Variants in KIF21B observed in about 807,000 individuals in gnomAD.
KIF21B encodes the protein kinesin family member 21B.
A neutral mutation model predicts 192.9 loss-of-function variants in KIF21B; 85 were observed. The observed-to-expected ratio is 0.44, with a 90% confidence interval of 0.37 to 0.53. The LOEUF is 0.53. KIF21B is among the 20% of genes least tolerant of loss of function. The pLI is 0.00. For missense variants in KIF21B, 1,716 were observed against 2,194.8 expected, an observed-to-expected ratio of 0.78 and a Z score of 4.36; for synonymous variants, 832 against 884.6, an observed-to-expected ratio of 0.94 and a Z score of 1.05.
At chr1:200,974,580 G>A in intron 34 of KIF21B, 134 bp downstream of exon 34, 2 of 892,140 alleles carry the variant, frequency 2.2e-6, no homozygotes, top group East Asian at 2.6e-5. Context: ...GTATGCAAAG[G>A]AGGCCACCAT....
chr1:200,988,441 G>C, intron 23 of KIF21B, 52 bp downstream of exon 23: 1 of 1,610,054 alleles, frequency 6.2e-7, no homozygotes, highest in Non-Finnish European at 8.5e-7. Flanking sequence ...CCTCCCACCA[G>C]CCCCAGGTAC....
At chr1:200,983,669 C>T (rs992506700) in intron 27 of KIF21B, among the ~76,000 whole-genome samples, 2 of 152,192 alleles carry the variant, frequency 1.3e-5, no homozygotes, top group African/African-American at 4.8e-5. Context: ...AAGACCAAGG[C>T]CTCCAGAAGA....
In KIF21B at chr1:200,998,735, C is replaced by CG. The variant is rs1394923893; in HGVS notation, c.1886-161dup. 6.6e-6 allele frequency among the ~76,000 whole-genome samples: 1 copy of CG among 152,070 alleles called. No individual in the cohort carries two copies. The highest frequency in any genetic ancestry group is 2.4e-5 in the African/African-American group (1 of 41,384). On this transcript the variant is annotated intron_variant, in intron 13 of 34. Coordinates refer to ENST00000461742, the MANE Select transcript of KIF21B (RefSeq NM_001252102.2). The surrounding 1 kb of genome is among the most constrained non-coding windows in gnomAD (Gnocchi z 4.3). Reference sequence around the variant, plus strand: ...GATAAATCCTAATGCAGGTAGAATGCGGCCAGAAGGAGGAACACATTTAAA... The same window carrying CG: ...GATAAATCCTAATGCAGGTAGAATGCGGGCCAGAAGGAGGAACACATTTAAA...
At position 201,000,300 on chromosome 1, in the gene KIF21B, C is replaced by A. The variant is rs766160802; in HGVS notation, c.1685+90G>T. 3.3e-5 allele frequency: 43 copies of A among 1,303,122 alleles called. 1 individual carries two copies. The South Asian group carries it at 3.8e-4, about 12-fold the overall frequency. The allele number at this position is 1,303,122 out of a possible 1,614,324, so 80.7% of individuals were successfully genotyped here. A position where few individuals can be genotyped will look rare whatever the true frequency, so the allele number is the denominator to read the frequency against. ...GGGGGCGTGGAGGTTCCCTCCTAAA[C>A]ACTGGTGGGCAGCAGTCCTCCTTGG... On this transcript the variant is annotated intron_variant, in intron 11 of 34. Coordinates refer to ENST00000461742, the MANE Select transcript of KIF21B (RefSeq NM_001252102.2). The surrounding 1 kb of genome is among the most constrained non-coding windows in gnomAD (Gnocchi z 6.0).
chr1:201,021,771 T>C (rs1450819398), intron 1 of KIF21B, among the ~76,000 whole-genome samples: 3 of 152,046 alleles, frequency 2.0e-5, no homozygotes, highest in Non-Finnish European at 4.4e-5. Flanking sequence ...CCCAAGCCCC[T>C]TCCTTCCCAG....
chr1:200,982,822 C>A lies in KIF21B; in HGVS notation c.3842+234G>T, dbSNP rs774912954. On this transcript the variant is annotated intron_variant, in intron 28 of 34. Coordinates refer to ENST00000461742, the MANE Select transcript of KIF21B (RefSeq NM_001252102.2). The surrounding 1 kb of genome is among the most constrained non-coding windows in gnomAD (Gnocchi z 4.7). ...GGGCCTGCGACAAGCAACTGTGCACCCTCCCCAAGCCCCCAGCTCTAGCTG... is the reference window on the plus strand; with the variant it reads ...GGGCCTGCGACAAGCAACTGTGCACACTCCCCAAGCCCCCAGCTCTAGCTG... Among the ~76,000 whole-genome samples, 2 of 152,112 alleles carry A rather than the reference C, an allele frequency of 1.3e-5. No individual in the cohort carries two copies. The highest frequency in any genetic ancestry group is 2.9e-5 in the Non-Finnish European group (2 of 68,008).
At chr1:201,019,647 G>T (rs781752350) in intron 1 of KIF21B, among the ~76,000 whole-genome samples, 7 of 151,884 alleles carry the variant, frequency 4.6e-5, no homozygotes, top group Non-Finnish European at 1.0e-4. Flanking sequence ...GGGGCCTGTG[G>T]TTACTACACT....
In KIF21B at chr1:200,977,381, C is replaced by T; in HGVS notation, c.4161-5G>A. 1 of 1,613,064 alleles carries T rather than the reference C, an allele frequency of 6.2e-7. No homozygotes were observed. The highest frequency in any genetic ancestry group is 8.5e-7 in the Non-Finnish European group (1 of 1,179,136). ...GAGATCACCTGGCCCGAGGACCTGC[C>T]CATCGGAGAAAGGCAAGGCCAGAGG... is the stretch of plus-strand genomic sequence containing the variant. On this transcript the variant is annotated splice_polypyrimidine_tract_variant and splice_region_variant and intron_variant, in intron 30 of 34. Transcript: ENST00000461742.
In KIF21B at chr1:201,009,399, T is replaced by C. The variant is rs1293380136; in HGVS notation, c.131A>G (p.Lys44Arg). 5 of 1,614,248 alleles carry C rather than the reference T, an allele frequency of 3.1e-6. No individual in the cohort carries two copies. The highest frequency in any genetic ancestry group is 2.5e-6 in the Non-Finnish European group (3 of 1,180,036). ...TPGEPQVLLG[K>R]DKAFTYDFVF... is the part of the protein sequence containing the mutation. ...AAAGTCATAGGTGAAGGCCTTGTCC[T>C]TCCCCAGCAGGACCTGGGGCTCTCC... The change falls in exon 2 of 35, where the codon AAG becomes AGG. Residue 44 changes from lysine to arginine, a missense_variant. Physicochemically the swap from Lys to Arg is conservative, Grantham distance 26 (BLOSUM62 2). Coordinates refer to ENST00000461742, the MANE Select transcript of KIF21B (RefSeq NM_001252102.2).
At chr1:200,986,009 C>A (rs1294015227) in intron 26 of KIF21B, among the ~76,000 whole-genome samples, 1 of 151,292 alleles carries the variant, frequency 6.6e-6, no homozygotes, top group East Asian at 1.9e-4. Context: ...CCACGCCCAG[C>A]CAATTTTTTT....
At position 201,004,802 on chromosome 1, in the gene KIF21B, C is replaced by G. The variant is rs530526185; in HGVS notation, c.864G>C (p.Glu288Asp). 1.7e-5 allele frequency: 27 copies of G among 1,614,118 alleles called. No homozygotes were observed. The East Asian group carries it at 2.7e-4, about 16-fold the overall frequency. Residue 288 changes from glutamate (E) to aspartate (D), a missense_variant, in exon 6 of 35, where the codon GAG becomes GAC. Around this residue, in one of 3 missense-constraint regions of KIF21B, gnomAD observed 1,087 missense variants for 1,316.6 expected, o/e 0.83. Transcript: ENST00000461742. ...ERLKRTGATG[E>D]RAKEGISINC... ...TGATGGAGATGCCCTCCTTGGCCCG[C>G]TCGCCAGTAGCCCCTGTCCGCTTCA...
chr1:200,984,204 C>T (rs532391826), intron 27 of KIF21B, among the ~76,000 whole-genome samples: 5 of 152,300 alleles, frequency 3.3e-5, no homozygotes, highest in African/African-American at 9.6e-5. Flanking sequence ...TCTAGGTGAA[C>T]ATCCCTGGCT....
At position 201,005,589 on chromosome 1, in the gene KIF21B, A is replaced by T; in HGVS notation, c.553T>A (p.Tyr185Asn). 1 of 1,614,204 alleles carries T rather than the reference A, an allele frequency of 6.2e-7. No individual in the cohort carries two copies. The highest frequency in any genetic ancestry group is 1.3e-5 in the African/African-American group (1 of 75,068). Residue 185 changes from tyrosine to asparagine, a missense_variant, in exon 4 of 35, where the codon TAC (tyrosine) becomes AAC (asparagine). Tyr to Asn is a moderately radical substitution (Grantham distance 143). Around this residue, in one of 3 missense-constraint regions of KIF21B, gnomAD observed 1,087 missense variants for 1,316.6 expected, o/e 0.83. Coordinates refer to ENST00000461742, the MANE Select transcript of KIF21B (RefSeq NM_001252102.2). Reference protein sequence around the residue: ...KIHEDANGGIYTTGVTSRLIH... With the variant: ...KIHEDANGGINTTGVTSRLIH... Reference sequence around the variant, plus strand: ...AGGCGAGAAGTGACGCCAGTGGTGTAGATGCCACCGTTTGCGTCCTCGTGG... The same window carrying T: ...AGGCGAGAAGTGACGCCAGTGGTGTTGATGCCACCGTTTGCGTCCTCGTGG...
At position 200,990,373 on chromosome 1, in the gene KIF21B, G is replaced by T; in HGVS notation, c.2836-41C>A. 6.4e-7 allele frequency: 1 copy of T among 1,557,134 alleles called. No homozygotes were observed. ...AGGGTGGTGATTGTGATGAAGGAGA[G>T]GCCTCAGGTAGCTGCCAAGCCCTGC... On this transcript the variant is annotated intron_variant, in intron 19 of 34. Coordinates refer to ENST00000461742, the MANE Select transcript of KIF21B (RefSeq NM_001252102.2). This position sits in a 1 kb window ranked among gnomAD's most constrained non-coding sequence, Gnocchi z 5.4.
At chr1:201,016,264 C>T (rs1210547146) in intron 1 of KIF21B, among the ~76,000 whole-genome samples, 3 of 152,230 alleles carry the variant, frequency 2.0e-5, no homozygotes, top group South Asian at 4.1e-4. Context: ...GAGAATCTCC[C>T]GGACTGATCC....
At chr1:200,997,844 T>C (rs1054195586) in intron 14 of KIF21B, among the ~76,000 whole-genome samples, 1 of 152,206 alleles carries the variant, frequency 6.6e-6, no homozygotes, top group Non-Finnish European at 1.5e-5. Flanking sequence ...CACTATAGTT[T>C]CTGCTCTTTC....
intron 15 of KIF21B, among the ~76,000 whole-genome samples, chr1:200,994,716 G>A (rs945091221): frequency 1.3e-5 from 2 of 152,192 alleles, no homozygotes; most frequent in African/African-American, 4.8e-5. Context: ...ACCCTGCAAT[G>A]GCATCAGCTG....
Position 201,003,669 on chromosome 1 carries a change from T to G in KIF21B, c.1129A>C (p.Asn377His). Residue 377 changes from asparagine to histidine, a missense_variant, in exon 8 of 35, where the codon AAC (asparagine) becomes CAC (histidine). Coordinates refer to ENST00000461742, the MANE Select transcript of KIF21B (RefSeq NM_001252102.2). ...ATTTGCTGGCTGGTCTTGTCCTGGT[T>G]CACTACCACCTTGTTCTTGATGTTG... is the stretch of plus-strand genomic sequence containing the variant. ...ARNIKNKVVV[N>H]QDKTSQQISA... 6.2e-7 allele frequency: 1 copy of G among 1,614,228 alleles called. No homozygotes were observed. Among genetic ancestry groups the G allele is most frequent in the Non-Finnish European group, 8.5e-7 (1 of 1,180,030 alleles).
intron 3 of KIF21B, among the ~76,000 whole-genome samples, chr1:201,008,072 C>T (rs1197565083): frequency 2.0e-5 from 3 of 152,188 alleles, no homozygotes; most frequent in Non-Finnish European, 4.4e-5. Context: ...CCACATGCTT[C>T]CCTCAGAAGG....
Sources: gnomAD v4.1 joint callset for allele counts (sites outside exome capture counted in the v4.1 genomes callset) on GRCh38, gnomAD v4.1.1 for gene constraint, gnomAD v4.1.1 regional missense constraint, Gnocchi (gnomAD v3.1) non-coding constraint, MANE v1.5 for transcripts, NCBI Gene and HGNC (gene_info 2026-07-23, HGNC 2026-07-21) for gene names.